TRPV5: variants seen among roughly 807,000 people sequenced by gnomAD.
TRPV5 encodes calcium transport protein 2.
Under a neutral mutation model 74.1 loss-of-function variants are expected in TRPV5, and 66 were observed. That is an observed-to-expected ratio of 0.89 (90% CI 0.73 to 1.09). TRPV5 has a LOEUF of 1.09. Among genes scored for constraint, TRPV5 ranks in the 50% least tolerant of loss-of-function variants. TRPV5 has a pLI of 0.00. For synonymous variants in TRPV5, 399 were observed against 360.7 expected (o/e 1.11, Z -1.20); for missense variants, 936 against 930.4 (o/e 1.01, Z -0.08).
intron 10 of TRPV5, 24 bp from the exon 11 acceptor site, chr7:142,915,070 T>C: frequency 6.2e-7 from 1 of 1,609,834 alleles, no homozygotes; most frequent in Non-Finnish European, 8.5e-7. Flanking sequence ...AAGCAGAGAG[T>C]GAGAGACAAG....
At chr7:142,909,392 T>A (rs1795669690) in intron 14 of TRPV5, 98 bp downstream of exon 14, 1 of 1,307,164 alleles carries the variant, frequency 7.7e-7, no homozygotes, top group East Asian at 2.4e-5. Context: ...CCCCCTCCCC[T>A]AGACAGGCTA....
At chr7:142,929,840 C>T (rs1422892933) in intron 3 of TRPV5, among the ~76,000 whole-genome samples, 1 of 152,170 alleles carries the variant, frequency 6.6e-6, no homozygotes. Context: ...ATAGGTCCTA[C>T]AGGGACTATG....
At chr7:142,922,611 G>C (rs1795904023) in intron 8 of TRPV5, among the ~76,000 whole-genome samples, 2 of 152,160 alleles carry the variant, frequency 1.3e-5, no homozygotes. Context: ...GGTTTCTAGT[G>C]TACAGTCTGG....
In TRPV5 at chr7:142,912,484, G is replaced by A; in HGVS notation, c.1786C>T (p.Gln596Ter). ...AQERDELWRAQVVATTVMLER... is the reference protein window; with the variant it reads ...AQERDELWRA ...AAGACTAACACAAATAAACTCACCT[G>A]GGCCCTCCAGAGCTCATCCCTCTCC... The change falls in exon 13 of 15, where the codon CAG becomes TAG. Residue 596 changes from glutamine (Q) to a stop codon, truncating the protein, a stop_gained and splice_region_variant. Coordinates refer to ENST00000265310, the MANE Select transcript of TRPV5 (RefSeq NM_019841.7). LOFTEE classifies it high-confidence loss of function. The A allele has an allele frequency of 3.1e-6, 5 of 1,612,596 alleles. No individual in the cohort carries two copies. The East Asian group carries it at 1.1e-4, about 36-fold the overall frequency.
chr7:142,931,299 C>T (rs1192438448), intron 1 of TRPV5, among the ~76,000 whole-genome samples: 5 of 152,130 alleles, frequency 3.3e-5, no homozygotes, highest in African/African-American at 1.2e-4. Flanking sequence ...GCTGGGATTA[C>T]ATTGCGCCCA....
intron 7 of TRPV5, among the ~76,000 whole-genome samples, chr7:142,926,065 A>G (rs1256636848): frequency 2.6e-5 from 4 of 152,182 alleles, no homozygotes; most frequent in Admixed American, 6.5e-5. Flanking sequence ...CTGAGAAGCC[A>G]TTGCCCATTT....
In TRPV5 at chr7:142,925,685, G is replaced by A. The variant is rs387907542; in HGVS notation, c.966C>T (p.Asn322=). ...PVKELVSFKW[N]KYGRPYFCIL... ...TGCAGAAGTACGGCCGGCCATACTT[G>A]TTCCACTTGAAGCTCACCAGCTCCT... Residue 322 remains asparagine, a synonymous_variant, in exon 8 of 15, where the codon AAC becomes AAT. Coordinates refer to ENST00000265310, the MANE Select transcript of TRPV5 (RefSeq NM_019841.7). 19 of 1,614,066 alleles carry A rather than the reference G, an allele frequency of 1.2e-5. No homozygotes were observed. Among genetic ancestry groups the A allele is most frequent in the Non-Finnish European group, 1.4e-5 (16 of 1,180,046 alleles).
At chr7:142,915,703 TG>T in intron 8 of TRPV5, 135 bp from the exon 9 acceptor site, 1 of 766,386 alleles carries the variant, frequency 1.3e-6, no homozygotes, top group South Asian at 1.9e-5. Context: ...CCACCCCCAT[TG>T]TACTTGCCAT....
rs1795781602 is a variant in TRPV5 at position 142,915,526 on chromosome 7, C to G, written c.1165G>C (p.Glu389Gln). The change falls in exon 9 of 15, where the codon GAG becomes CAG. Residue 389 changes from glutamate to glutamine, a missense_variant. Transcript: ENST00000265310. ...ACAGCCCCAACGATGCTCACCAGCT[C>G]CCCCACCAGCCTGATGATATCTTCA... ...TREDIIRLVG[E>Q]LVSIVGAVII... The G allele has an allele frequency of 6.2e-7, 1 of 1,614,118 alleles. No homozygotes were observed. Among genetic ancestry groups the G allele is most frequent in the South Asian group, 1.1e-5 (1 of 91,074 alleles).
At chr7:142,930,645 C>T (rs1319310265) in intron 1 of TRPV5, among the ~76,000 whole-genome samples, 199 bp from the exon 2 acceptor site, 2 of 152,242 alleles carry the variant, frequency 1.3e-5, no homozygotes, top group Non-Finnish European at 2.9e-5. Context: ...CCTTGCAATT[C>T]ACATCATGGT....
chr7:142,908,662 A>C lies in TRPV5; in HGVS notation c.2042T>G (p.Leu681Trp), dbSNP rs200440258. The C allele has an allele frequency of 4.3e-6, 7 of 1,614,226 alleles. No individual in the cohort carries two copies. The highest frequency in any genetic ancestry group is 2.2e-5 in the East Asian group (1 of 44,880). Reference protein sequence around the residue: ...AESGTLARASLALPTSSLSRT... With the variant: ...AESGTLARASWALPTSSLSRT... ...GGACAGGGAGGAAGTTGGAAGAGCC[A>C]AAGAGGCTCTGGCTAGAGTCCCACT... Residue 681 changes from leucine to tryptophan, a missense_variant, in exon 15 of 15, where the codon TTG (leucine) becomes TGG (tryptophan). Transcript: ENST00000265310.
chr7:142,915,663 A>C (rs1318543805), intron 8 of TRPV5, 95 bp from the exon 9 acceptor site: 1 of 1,242,950 alleles, frequency 8.0e-7, no homozygotes, highest in Non-Finnish European at 1.1e-6. Context: ...ATCCAAAATA[A>C]AGGAAACTCC....
intron 8 of TRPV5, among the ~76,000 whole-genome samples, chr7:142,919,020 T>G (rs1795842446): frequency 6.6e-6 from 1 of 152,222 alleles, no homozygotes; most frequent in African/African-American, 2.4e-5. Flanking sequence ...GTTGGGTCTC[T>G]GCACAGGCTA....
chr7:142,910,131 A>G (rs2116572347), intron 13 of TRPV5, among the ~76,000 whole-genome samples: 1 of 152,312 alleles, frequency 6.6e-6, no homozygotes, highest in African/African-American at 2.4e-5. Flanking sequence ...TAGATGAAAC[A>G]TGGGAAACAA....
intron 8 of TRPV5, among the ~76,000 whole-genome samples, chr7:142,918,420 A>G (rs1172603991): frequency 1.3e-5 from 2 of 152,214 alleles, no homozygotes; most frequent in East Asian, 1.9e-4. Context: ...GGGCAAACCC[A>G]TGCCATCTAC....
At position 142,928,747 on chromosome 7, in the gene TRPV5, G is replaced by A. The variant is rs765565229; in HGVS notation, c.706C>T (p.Pro236Ser). Reference protein sequence around the residue: ...GDHLQPLDLVPNHQGLTPFKL... With the variant: ...GDHLQPLDLVSNHQGLTPFKL... ...AAGGGGGTGAGACCCTGGTGATTGG[G>A]CACAAGGTCCAGGGGCTGCAGGTGG... Residue 236 changes from proline to serine, a missense_variant, in exon 6 of 15, where the codon CCC becomes TCC. Pro to Ser is a moderately conservative substitution (Grantham distance 74, BLOSUM62 -1). Coordinates refer to ENST00000265310, the MANE Select transcript of TRPV5 (RefSeq NM_019841.7). 1.3e-5 allele frequency: 21 copies of A among 1,614,064 alleles called. No individual in the cohort carries two copies. In the African/African-American group the frequency reaches 1.9e-4, roughly 14 times the overall value.
Position 142,929,522 on chromosome 7 carries a change from G to T in TRPV5, c.393C>A (p.Asn131Lys). The T allele has an allele frequency of 6.2e-7, 1 of 1,614,114 alleles. No homozygotes were observed. The highest frequency in any genetic ancestry group is 8.5e-7 in the Non-Finnish European group (1 of 1,180,000). The change falls in exon 4 of 15, where the codon AAC (asparagine) becomes AAA (lysine). Residue 131 changes from asparagine to lysine, a missense_variant. Asn to Lys is a moderately conservative substitution (Grantham distance 94). Coordinates refer to ENST00000265310, the MANE Select transcript of TRPV5 (RefSeq NM_019841.7). ...LHIAVVNQNV[N>K]LVRALLTRRA... ...TGCGGGTGAGCAGGGCACGCACCAG[G>T]TTCACATTCTGGTTCACAACAGCGA...
chr7:142,913,065 A>G (rs1291684616), intron 12 of TRPV5, among the ~76,000 whole-genome samples: 1 of 152,142 alleles, frequency 6.6e-6, no homozygotes, highest in Non-Finnish European at 1.5e-5. Context: ...AATGGATAAT[A>G]GGTCACCTAA....
Position 142,933,388 on chromosome 7 carries a change from G to A in TRPV5, c.72C>T (p.Val24=), listed in dbSNP as rs997360228. The A allele has an allele frequency of 6.2e-7, 1 of 1,614,034 alleles. No homozygotes were observed. Among genetic ancestry groups the A allele is most frequent in the African/African-American group, 1.3e-5 (1 of 74,920 alleles). Reference sequence around the variant, plus strand: ...GGTGCTGGTCCCAGTCTTGTTCTCTGACCAGAAAGGAGGGCAGAAGTTTCT... The same window carrying A: ...GGTGCTGGTCCCAGTCTTGTTCTCTAACCAGAAAGGAGGGCAGAAGTTTCT... ...QLQKLLPSFL[V]REQDWDQHLD... Residue 24 remains valine (V), a synonymous_variant, in exon 1 of 15, where the codon GTC becomes GTT. Transcript: ENST00000265310.
Sources: gnomAD v4.1 joint callset for allele counts (sites outside exome capture counted in the v4.1 genomes callset) on GRCh38, gnomAD v4.1.1 for gene constraint, MANE v1.5 for transcripts, NCBI Gene and HGNC (gene_info 2026-07-23, HGNC 2026-07-21) for gene names.